CD300LF: variants seen among roughly 807,000 people sequenced by gnomAD.
The protein encoded by CD300LF is CD300 molecule like family member f.
In CD300LF, 27 loss-of-function variants were observed where a neutral mutation model predicts 32.2. The ratio of observed to expected loss-of-function variants is 0.84; its 90% confidence interval spans 0.62 to 1.15. The LOEUF (loss-of-function observed/expected upper bound fraction) is 1.15, where lower values mean the gene tolerates loss of function less well. Among genes scored for constraint, CD300LF ranks in the 50% most tolerant of loss-of-function variants. The pLI, the probability that CD300LF is intolerant of heterozygous loss-of-function variation, is 0.00. For synonymous variants in CD300LF, 139 were observed against 143.2 expected, an observed-to-expected ratio of 0.97 and a Z score of 0.21; for missense variants, 348 against 356.8, an observed-to-expected ratio of 0.98 and a Z score of 0.20.
chr17:74,703,392 A>G (rs2033237364), intron 2 of CD300LF, among the ~76,000 whole-genome samples: 1 of 152,060 alleles, frequency 6.6e-6, no homozygotes, highest in African/African-American at 2.4e-5. Flanking sequence ...GGCTGGGAAG[A>G]GCCTAAGGGC....
At chr17:74,706,700 A>G (rs537058181) in intron 1 of CD300LF, among the ~76,000 whole-genome samples, 1 of 152,270 alleles carries the variant, frequency 6.6e-6, no homozygotes, top group Admixed American at 6.5e-5. Flanking sequence ...AAAAACCAGC[A>G]GTTCAAGCAC....
rs867791634 is a variant in CD300LF at position 74,698,712 on chromosome 17, G to C, written c.447-231C>G. On this transcript the variant is annotated intron_variant, in intron 3 of 6. Coordinates refer to ENST00000326165, the MANE Select transcript of CD300LF (RefSeq NM_139018.5). ...AGACACCAGGGCCTACTTGAGGATG[G>C]AGGGTGGGAGGAAGCAAAGAATCAA... 8.8e-5 allele frequency: 92 copies of C among 1,044,492 alleles called. 4 individuals carry two copies. In the Middle Eastern group the frequency reaches 1.6e-3, roughly 18 times the overall value. The allele number at this position is 1,044,492 out of a possible 1,614,324, so 64.7% of individuals were successfully genotyped here.
In CD300LF at chr17:74,695,071, T is replaced by C. The variant is rs781310416; in HGVS notation, c.*25A>G. On this transcript the variant is annotated 3_prime_UTR_variant, in exon 7 of 7. Coordinates refer to ENST00000326165, the MANE Select transcript of CD300LF (RefSeq NM_139018.5). Reference sequence around the variant, plus strand: ...GCAGGAGTGTGCTCACAGCCTGGGGTCCAAGAAGGAGCCTGGAGTGCAGGC... The same window carrying C: ...GCAGGAGTGTGCTCACAGCCTGGGGCCCAAGAAGGAGCCTGGAGTGCAGGC... 1.4e-5 allele frequency: 22 copies of C among 1,603,564 alleles called. No individual in the cohort carries two copies. The highest frequency in any genetic ancestry group is 2.7e-5 in the African/African-American group (2 of 74,372).
chr17:74,711,928 A>T (rs1430407683), intron 1 of CD300LF, among the ~76,000 whole-genome samples: 1 of 132,252 alleles, frequency 7.6e-6, no homozygotes. Flanking sequence ...TTTTTGAAAC[A>T]GAGTCTCGCT....
At chr17:74,709,020 C>T (rs911186347) in intron 1 of CD300LF, among the ~76,000 whole-genome samples, 5 of 151,088 alleles carry the variant, frequency 3.3e-5, no homozygotes, top group Non-Finnish European at 7.4e-5. Context: ...GCCAAGAGAT[C>T]GAGACAATCC....
chr17:74,704,036 C>T (rs1048123020), intron 2 of CD300LF, among the ~76,000 whole-genome samples: 3 of 152,122 alleles, frequency 2.0e-5, no homozygotes, highest in African/African-American at 4.8e-5. Context: ...CTTTTTCCCC[C>T]AGGTTAGATA....
chr17:74,711,048 A>T (rs1252212775), intron 1 of CD300LF, among the ~76,000 whole-genome samples: 3 of 152,162 alleles, frequency 2.0e-5, no homozygotes, highest in Non-Finnish European at 2.9e-5. Flanking sequence ...CAAAAAAAAT[A>T]AAAAACCTTC....
intron 1 of CD300LF, among the ~76,000 whole-genome samples, chr17:74,706,428 C>T (rs951197948): frequency 6.8e-6 from 1 of 147,662 alleles, no homozygotes; most frequent in Non-Finnish European, 1.5e-5. Context: ...ATAAAAAGAA[C>T]ATATATATAT....
chr17:74,697,983 C>T (rs1342903081), intron 4 of CD300LF, among the ~76,000 whole-genome samples: 3 of 152,174 alleles, frequency 2.0e-5, no homozygotes, highest in Non-Finnish European at 4.4e-5. Flanking sequence ...CCTCCCCATT[C>T]CATGTCAGCT....
intron 1 of CD300LF, among the ~76,000 whole-genome samples, chr17:74,706,689 CA>C (rs1464251727): frequency 2.0e-5 from 3 of 152,054 alleles, no homozygotes; most frequent in African/African-American, 7.2e-5. Context: ...CAAAACAAAA[CA>C]AAAACCAGCA....
At chr17:74,702,432 G>T (rs756572253) in intron 3 of CD300LF, among the ~76,000 whole-genome samples, 3 of 152,174 alleles carry the variant, frequency 2.0e-5, no homozygotes, top group Non-Finnish European at 4.4e-5. Flanking sequence ...TTCCACATGG[G>T]GTGGTTGTAG....
chr17:74,704,400 A>C, intron 2 of CD300LF, 78 bp downstream of exon 2: 2 of 1,036,576 alleles, frequency 1.9e-6, no homozygotes, highest in Non-Finnish European at 1.4e-6. Context: ...AGTGACAATT[A>C]AATCACTTGA....
chr17:74,712,599 C>T (rs2034050142), intron 1 of CD300LF, among the ~76,000 whole-genome samples: 1 of 152,206 alleles, frequency 6.6e-6, no homozygotes, highest in Non-Finnish European at 1.5e-5. Context: ...CATGATCAGC[C>T]CCTGGGGGTC....
At chr17:74,708,527 A>G (rs1360688142) in intron 1 of CD300LF, among the ~76,000 whole-genome samples, 1 of 152,218 alleles carries the variant, frequency 6.6e-6, no homozygotes, top group African/African-American at 2.4e-5. Context: ...GAAACAAAAG[A>G]TCAGCATACG....
chr17:74,698,613 C>G, intron 3 of CD300LF, 132 bp from the exon 4 acceptor site: 2 of 1,494,744 alleles, frequency 1.3e-6, no homozygotes, highest in African/African-American at 1.4e-5. Flanking sequence ...AGCCTGGGAA[C>G]CCTCACTCCT....
chr17:74,708,288 C>T (rs576970417), intron 1 of CD300LF, among the ~76,000 whole-genome samples: 3 of 152,102 alleles, frequency 2.0e-5, no homozygotes, highest in South Asian at 2.1e-4. Flanking sequence ...TTAAAACTTC[C>T]GCCAGAATAA....
chr17:74,704,667 G>C lies in CD300LF; in HGVS notation c.193C>G (p.Leu65Val). ...RGAIWRDCKI[L>V]VKTSGSEQEV... Reference sequence around the variant, plus strand: ...TGCTCTGACCCACTGGTTTTAACAAGGATCTTGCAGTCACGCCAAATAGCT... The same window carrying C: ...TGCTCTGACCCACTGGTTTTAACAACGATCTTGCAGTCACGCCAAATAGCT... The change falls in exon 2 of 7, where the codon CTT becomes GTT. Residue 65 changes from leucine (L) to valine (V), a missense_variant. Leu to Val is a conservative substitution (Grantham distance 32, BLOSUM62 1). Transcript: ENST00000326165. 6.2e-7 allele frequency: 1 copy of C among 1,614,152 alleles called. No homozygotes were observed. The highest frequency in any genetic ancestry group is 8.5e-7 in the Non-Finnish European group (1 of 1,180,032).
At position 74,695,709 on chromosome 17, in the gene CD300LF, C is replaced by A. The variant is rs758692184; in HGVS notation, c.717+16G>T. On this transcript the variant is annotated intron_variant, in intron 6 of 6. Coordinates refer to ENST00000326165, the MANE Select transcript of CD300LF (RefSeq NM_139018.5). ...CCCCTGCCCCAGCCTCACAGCAGCC[C>A]CCATGGAGGACGCACCATGGTGACA... The A allele has an allele frequency of 6.2e-7, 1 of 1,614,070 alleles. No individual in the cohort carries two copies. The highest frequency in any genetic ancestry group is 1.1e-5 in the South Asian group (1 of 91,082).
chr17:74,709,093 G>A (rs1312637302), intron 1 of CD300LF, among the ~76,000 whole-genome samples: 3 of 151,522 alleles, frequency 2.0e-5, no homozygotes, highest in Non-Finnish European at 4.4e-5. Context: ...GCGTGGTGGC[G>A]GGCGCCTGTA....
Sources: allele counts gnomAD v4.1 joint callset (sites outside exome capture counted in the v4.1 genomes callset), GRCh38; gene constraint gnomAD v4.1.1; transcripts MANE v1.5; gene names NCBI Gene and HGNC (gene_info 2026-07-23, HGNC 2026-07-21).